SEMA3C: variants seen among roughly 807,000 people sequenced by gnomAD.
SEMA3C encodes the protein semaphorin 3C, also known as semaphorin-3C.
SEMA3C carries 47 observed loss-of-function variants against 89.4 expected under a neutral mutation model. The observed-to-expected ratio is 0.53, with a 90% CI of 0.42 to 0.67. The LOEUF is 0.67. Among genes scored for constraint, SEMA3C ranks in the 30% least tolerant of loss-of-function variants. The probability of loss-of-function intolerance (pLI) is 0.00; values close to 1 mark genes in which losing one functional copy is unlikely to be tolerated. For synonymous variants in SEMA3C, 310 were observed against 320.2 expected (o/e 0.97, Z 0.34); for missense variants, 839 against 929.1 (o/e 0.90, Z 1.26).
chr7:80,901,923 C>T (rs1008168626), intron 2 of SEMA3C, among the ~76,000 whole-genome samples: 1 of 152,056 alleles, frequency 6.6e-6, no homozygotes, highest in African/African-American at 2.4e-5. Context: ...TTGATAAAGG[C>T]CATGTAAAGT....
chr7:80,915,065 C>A (rs998525219), intron 2 of SEMA3C, among the ~76,000 whole-genome samples: 1 of 152,136 alleles, frequency 6.6e-6, no homozygotes, highest in Non-Finnish European at 1.5e-5. Context: ...GACATCTAAT[C>A]TATTAGGTCA....
At chr7:80,901,089 C>T (rs778630645) in intron 2 of SEMA3C, among the ~76,000 whole-genome samples, 44 of 152,020 alleles carry the variant, frequency 2.9e-4, no homozygotes, top group Non-Finnish European at 5.3e-4. Context: ...GGTGGTACAA[C>T]GAATTACTGC....
At chr7:80,848,211 A>C (rs1361658072) in intron 2 of SEMA3C, among the ~76,000 whole-genome samples, 3 of 152,190 alleles carry the variant, frequency 2.0e-5, no homozygotes, top group Non-Finnish European at 4.4e-5. Flanking sequence ...AGTTCAGGAC[A>C]ATAAAGAGAA....
chr7:80,808,149 A>G (rs1789384188), intron 6 of SEMA3C, among the ~76,000 whole-genome samples: 1 of 152,218 alleles, frequency 6.6e-6, no homozygotes, highest in Non-Finnish European at 1.5e-5. Context: ...CAAGACTATT[A>G]AATGACTTAA....
At chr7:80,751,450 A>G (rs1234914121) in intron 15 of SEMA3C, 114 bp from the exon 16 acceptor site, 2 of 888,354 alleles carry the variant, frequency 2.3e-6, no homozygotes, top group Non-Finnish European at 1.8e-6. Flanking sequence ...GCTTTCATAA[A>G]ATTTTTTAAA....
chr7:80,788,219 C>T (rs1056090649), intron 12 of SEMA3C, among the ~76,000 whole-genome samples: 2 of 152,160 alleles, frequency 1.3e-5, no homozygotes, highest in African/African-American at 4.8e-5. Context: ...GACGTGTTGT[C>T]TCTTTCCTAA....
At chr7:80,873,159 G>A (rs373470970) in intron 2 of SEMA3C, among the ~76,000 whole-genome samples, 12 of 152,212 alleles carry the variant, frequency 7.9e-5, no homozygotes, top group East Asian at 5.8e-4. Flanking sequence ...AGCAAAAAGC[G>A]TACAGGGCCC....
chr7:80,763,552 A>AT (rs1419173625), intron 13 of SEMA3C, among the ~76,000 whole-genome samples: 1 of 152,208 alleles, frequency 6.6e-6, no homozygotes, highest in African/African-American at 2.4e-5. Context: ...TAACACCAGC[A>AT]TAACTCATAT....
chr7:80,911,815 A>G (rs1003553062), intron 2 of SEMA3C, among the ~76,000 whole-genome samples: 1 of 151,994 alleles, frequency 6.6e-6, no homozygotes, highest in Non-Finnish European at 1.5e-5. Context: ...TTGTATTTTT[A>G]GTAGAGACGG....
intron 6 of SEMA3C, among the ~76,000 whole-genome samples, chr7:80,809,781 A>G (rs1000329336): frequency 2.6e-5 from 4 of 152,202 alleles, no homozygotes; most frequent in Non-Finnish European, 5.9e-5. Context: ...AGCCTTAAAA[A>G]AGAATGAAAT....
chr7:80,749,791 G>A (rs1205888242), intron 16 of SEMA3C, among the ~76,000 whole-genome samples: 1 of 152,104 alleles, frequency 6.6e-6, no homozygotes, highest in Non-Finnish European at 1.5e-5. Context: ...GGAATAATAA[G>A]ACTCTAGTAT....
upstream of SEMA3C, chr7:80,922,264 C>A: frequency 3.9e-6 from 5 of 1,288,836 alleles, no homozygotes; most frequent in Non-Finnish European, 5.1e-6. Flanking sequence ...CTTCCTCTTA[C>A]CTTTTTTGCT....
chr7:80,922,029 CTTA>C (rs1032867634), upstream of SEMA3C, among the ~76,000 whole-genome samples: 19 of 152,222 alleles, frequency 1.2e-4, no homozygotes, highest in African/African-American at 1.2e-4. Context: ...TAAAAATTGT[CTTA>C]TTATTTAGTC....
chr7:80,801,119 T>C (rs953062200), intron 9 of SEMA3C, among the ~76,000 whole-genome samples: 3 of 152,072 alleles, frequency 2.0e-5, no homozygotes, highest in African/African-American at 7.2e-5. Flanking sequence ...TAGAACCATA[T>C]TAACCTTAAA....
chr7:80,764,229 AAGTGCTACTTTTACTC>A (rs1788247077), intron 13 of SEMA3C, among the ~76,000 whole-genome samples: 1 of 152,136 alleles, frequency 6.6e-6, no homozygotes, highest in Non-Finnish European at 1.5e-5. Flanking sequence ...GGGAGTTCTC[AAGTGCTACTTTTACTC>A]AGTCATAGGC....
chr7:80,919,559 G>GT (rs3834744), upstream of SEMA3C, among the ~76,000 whole-genome samples: 81,877 of 145,684 alleles, frequency 0.56, 22,699 homozygotes, highest in Admixed American at 0.63. Flanking sequence ...ATTCTGCTGC[G>GT]TTTTTTTTTT....
intron 2 of SEMA3C, among the ~76,000 whole-genome samples, chr7:80,906,923 T>C (rs1247308755): frequency 1.3e-5 from 2 of 152,128 alleles, no homozygotes; most frequent in Non-Finnish European, 2.9e-5. Flanking sequence ...TCATAGAAAA[T>C]TGATTATACC....
At chr7:80,835,568 A>G (rs1204275391) in intron 2 of SEMA3C, among the ~76,000 whole-genome samples, 1 of 152,198 alleles carries the variant, frequency 6.6e-6, no homozygotes, top group Non-Finnish European at 1.5e-5. Flanking sequence ...TGGATTAGAA[A>G]GTGAATTTCA....
At chr7:80,804,051 A>G in intron 8 of SEMA3C, 55 bp downstream of exon 8, 1 of 1,490,716 alleles carries the variant, frequency 6.7e-7, no homozygotes, top group South Asian at 1.4e-5. Flanking sequence ...ACGGAGATAA[A>G]CCATAATTTG....
Sources: gnomAD v4.1 joint callset for allele counts (sites outside exome capture counted in the v4.1 genomes callset) on GRCh38, gnomAD v4.1.1 for gene constraint, MANE v1.5 for transcripts, NCBI Gene and HGNC (gene_info 2026-07-23, HGNC 2026-07-21) for gene names.